Variants in ARID4B observed in about 807,000 individuals in gnomAD.
The protein encoded by ARID4B is AT-rich interaction domain 4B, also known as AT-rich interactive domain-containing protein 4B.
In ARID4B, 26 loss-of-function variants were observed where a neutral mutation model predicts 147.5. That is an observed-to-expected ratio of 0.18 (90% CI 0.13 to 0.24). The LOEUF is 0.24. Ranked by LOEUF, ARID4B falls within the 10% of genes least tolerant of loss-of-function variation. ARID4B has a pLI of 1.00. For synonymous variants in ARID4B, 512 were observed against 507.9 expected, an observed-to-expected ratio of 1.01 and a Z score of -0.11; for missense variants, 1,179 against 1,511.5, an observed-to-expected ratio of 0.78 and a Z score of 3.65.
At chr1:235,205,523 G>A (rs1426812774) in intron 17 of ARID4B, among the ~76,000 whole-genome samples, 2 of 152,028 alleles carry the variant, frequency 1.3e-5, no homozygotes, top group Non-Finnish European at 2.9e-5. Flanking sequence ...AAAGTTCTTA[G>A]AAGAAAACAT....
chr1:235,184,879 T>G (rs1664567799), intron 19 of ARID4B, among the ~76,000 whole-genome samples: 1 of 152,170 alleles, frequency 6.6e-6, no homozygotes, highest in Non-Finnish European at 1.5e-5. Flanking sequence ...TACAGTGGTG[T>G]GATCTCAGTT....
chr1:235,303,596 T>C (rs1299493750), intron 2 of ARID4B, among the ~76,000 whole-genome samples: 2 of 151,938 alleles, frequency 1.3e-5, no homozygotes. Flanking sequence ...GTGGCACATG[T>C]CTGTAATGCC....
Position 235,166,991 on chromosome 1 carries a change from ATACTT to A in ARID4B, c.*1529_*1533del, listed in dbSNP as rs1239765410. On this transcript the variant is annotated 3_prime_UTR_variant, in exon 24 of 24. Coordinates refer to ENST00000264183, the MANE Select transcript of ARID4B (RefSeq NM_016374.6). The stretch of plus-strand genomic sequence containing the variant: ...CTTCATTGTTTGCAGATCCTAATAT[ATACTT>A]TATAGCTTTTATTCTATAAGCTTTT... 5 of 180,784 alleles carry A rather than the reference ATACTT, an allele frequency of 2.8e-5. No individual in the cohort carries two copies. The highest frequency in any genetic ancestry group is 4.7e-5 in the Non-Finnish European group (4 of 84,366). 11.2% of individuals were successfully genotyped at this position (180,784 alleles called of 1,614,324 possible).
intron 2 of ARID4B, among the ~76,000 whole-genome samples, chr1:235,264,215 T>A (rs1008641320): frequency 3.9e-5 from 6 of 152,198 alleles, no homozygotes; most frequent in Admixed American, 3.9e-4. Flanking sequence ...ATCTTACACA[T>A]AATTGTTTAG....
chr1:235,215,510 T>C (rs1667000344), intron 16 of ARID4B, among the ~76,000 whole-genome samples: 1 of 151,128 alleles, frequency 6.6e-6, no homozygotes, highest in Non-Finnish European at 1.5e-5. Context: ...GAGTAATGAT[T>C]ATATATATAC....
At chr1:235,274,030 C>T (rs1671152840) in intron 2 of ARID4B, among the ~76,000 whole-genome samples, 1 of 152,130 alleles carries the variant, frequency 6.6e-6, no homozygotes, top group South Asian at 2.1e-4. Context: ...ATTGCAGAAA[C>T]TGAAATTATA....
chr1:235,213,234 T>A (rs1026966708), intron 17 of ARID4B, among the ~76,000 whole-genome samples: 1 of 152,170 alleles, frequency 6.6e-6, no homozygotes, highest in African/African-American at 2.4e-5. Context: ...CAGGTCTGCT[T>A]ACATGTTCAA....
chr1:235,313,286 GCC>G (rs1674198744), intron 2 of ARID4B, among the ~76,000 whole-genome samples: 2 of 151,934 alleles, frequency 1.3e-5, no homozygotes, highest in Admixed American at 6.6e-5. Context: ...AGCCTCAAAC[GCC>G]CAAAGTGCTA....
chr1:235,170,032 G>T (rs750234041), intron 23 of ARID4B, among the ~76,000 whole-genome samples: 6 of 152,108 alleles, frequency 3.9e-5, no homozygotes, highest in Non-Finnish European at 5.9e-5. Context: ...AATTCATTCA[G>T]TACAGGGGTA....
At chr1:235,224,086 G>A (rs759317469) in intron 12 of ARID4B, among the ~76,000 whole-genome samples, 1 of 151,980 alleles carries the variant, frequency 6.6e-6, no homozygotes, top group Non-Finnish European at 1.5e-5. Flanking sequence ...TTACAATCAG[G>A]GATTTAGAAA....
intron 2 of ARID4B, among the ~76,000 whole-genome samples, chr1:235,314,800 A>G (rs1355005463): frequency 6.6e-6 from 1 of 152,086 alleles, no homozygotes. Context: ...GTATTTATAT[A>G]TATTTCGGTA....
At chr1:235,213,646 T>A (rs1666852844) in intron 17 of ARID4B, 123 bp downstream of exon 17, 2 of 1,070,310 alleles carry the variant, frequency 1.9e-6, no homozygotes, top group South Asian at 1.8e-5. Context: ...AACTATTTTT[T>A]ATAAGGTACT....
At chr1:235,237,947 T>C (rs908039210) in intron 8 of ARID4B, among the ~76,000 whole-genome samples, 13 of 152,024 alleles carry the variant, frequency 8.6e-5, no homozygotes, top group African/African-American at 3.1e-4. Context: ...GGTCAGGAGT[T>C]GGAGACCAGC....
At chr1:235,298,631 A>G (rs922021290) in intron 2 of ARID4B, among the ~76,000 whole-genome samples, 31 of 151,072 alleles carry the variant, frequency 2.1e-4, no homozygotes, top group African/African-American at 7.5e-4. Flanking sequence ...GACTATCTGC[A>G]TTATAAAGTC....
At position 235,200,987 on chromosome 1, in the gene ARID4B, C is replaced by CA. The variant is rs939134398; in HGVS notation, c.1842-4873dup. 2.6e-5 allele frequency among the ~76,000 whole-genome samples: 4 copies of CA among 151,550 alleles called. No homozygotes were observed. In the East Asian group the frequency reaches 5.8e-4, roughly 22 times the overall value. On this transcript the variant is annotated intron_variant, in intron 17 of 23. Transcript: ENST00000264183. ...TGAAACCCCGTCTCTAATAAAAATA[C>CA]AAAAAAAATTAGCTGGCTGTGGCGG...
At chr1:235,321,313 C>G (rs564071844) in intron 2 of ARID4B, among the ~76,000 whole-genome samples, 1 of 152,132 alleles carries the variant, frequency 6.6e-6, no homozygotes, top group Non-Finnish European at 1.5e-5. Context: ...TCTTAAATCC[C>G]TTCAAATATC....
intron 17 of ARID4B, among the ~76,000 whole-genome samples, chr1:235,207,277 G>C (rs186304671): frequency 3.3e-5 from 5 of 152,288 alleles, no homozygotes; most frequent in African/African-American, 1.2e-4. Flanking sequence ...GTAGGAAAGT[G>C]AATGGAAGAA....
chr1:235,222,468 C>T (rs1284227081), intron 13 of ARID4B, among the ~76,000 whole-genome samples: 3 of 152,002 alleles, frequency 2.0e-5, no homozygotes, highest in Non-Finnish European at 2.9e-5. Flanking sequence ...CAAACATTTC[C>T]TGCTTTAATC....
intron 2 of ARID4B, among the ~76,000 whole-genome samples, chr1:235,326,150 TAAAAA>T (rs35263210): frequency 6.9e-6 from 1 of 145,556 alleles, no homozygotes; most frequent in Non-Finnish European, 1.5e-5. Flanking sequence ...AGCATGTGTT[TAAAAA>T]AAAAAAAGAC....
Sources: gnomAD v4.1 joint callset for allele counts (sites outside exome capture counted in the v4.1 genomes callset) on GRCh38, gnomAD v4.1.1 for gene constraint, MANE v1.5 for transcripts, NCBI Gene and HGNC (gene_info 2026-07-23, HGNC 2026-07-21) for gene names.